NELL1: variants seen among roughly 807,000 people sequenced by gnomAD.
NELL1 encodes protein kinase C-binding protein NELL1.
In NELL1, 76 loss-of-function variants were observed where a neutral mutation model predicts 107.4. The observed-to-expected ratio is 0.71, with a 90% CI of 0.59 to 0.86. NELL1 has a LOEUF of 0.86. NELL1 is among the 40% of genes least tolerant of loss of function. NELL1 has a pLI of 0.00. For missense variants in NELL1, 1,024 were observed against 1,005.5 expected (o/e 1.02, Z -0.25); for synonymous variants, 353 against 341.2 (o/e 1.03, Z -0.38).
chr11:21,059,271 T>TG (rs529499857), intron 12 of NELL1, among the ~76,000 whole-genome samples: 221 of 152,004 alleles, frequency 1.5e-3, no homozygotes, highest in Non-Finnish European at 2.7e-3. Flanking sequence ...TTTTGTTTTT[T>TG]TTTTTTTCAA....
At position 20,722,225 on chromosome 11, in the gene NELL1, T is replaced by C. The variant is rs1387618702; in HGVS notation, c.184+44165T>C. Among the ~76,000 whole-genome samples the C allele has an allele frequency of 5.9e-5, 9 of 152,206 alleles. 1 individual carries two copies. In the South Asian group the frequency reaches 8.3e-4, roughly 14 times the overall value. ...TAGTAGAGACGTGATTTTGCTGTGT[T>C]GGCCAGGCTGGTCTTGAACTCCTGA... On this transcript the variant is annotated intron_variant, in intron 2 of 19. Transcript: ENST00000357134.
intron 15 of NELL1, among the ~76,000 whole-genome samples, chr11:21,408,628 T>C (rs914320875): frequency 6.6e-6 from 1 of 152,034 alleles, no homozygotes; most frequent in African/African-American, 2.4e-5. Flanking sequence ...GCCTGTTCAC[T>C]CTGATGGTAG....
At chr11:21,379,611 G>C (rs926266655) in intron 15 of NELL1, among the ~76,000 whole-genome samples, 1 of 152,008 alleles carries the variant, frequency 6.6e-6, no homozygotes, top group African/African-American at 2.4e-5. Context: ...AATAACAAAT[G>C]ATTTTTAAAA....
At chr11:20,699,817 A>C (rs993468457) in intron 2 of NELL1, among the ~76,000 whole-genome samples, 5 of 152,218 alleles carry the variant, frequency 3.3e-5, no homozygotes, top group Non-Finnish European at 1.5e-5. Context: ...TTGCTGGATC[A>C]AATGGTAGTT....
intron 12 of NELL1, among the ~76,000 whole-genome samples, chr11:21,042,691 C>T (rs1389350779): frequency 1.3e-5 from 2 of 151,966 alleles, no homozygotes; most frequent in African/African-American, 4.8e-5. Context: ...TGGTGAGAGC[C>T]AGTACTTTGC....
At chr11:21,510,556 C>A (rs916981190) in intron 15 of NELL1, among the ~76,000 whole-genome samples, 3 of 152,140 alleles carry the variant, frequency 2.0e-5, no homozygotes, top group Non-Finnish European at 4.4e-5. Flanking sequence ...ATGGTAATGT[C>A]TTTGCTCCTA....
At position 20,690,369 on chromosome 11, in the gene NELL1, C is replaced by G. The variant is rs562507136; in HGVS notation, c.184+12309C>G. On this transcript the variant is annotated intron_variant, in intron 2 of 19. Transcript: ENST00000357134. ...TGAAGTCCTTGCCCATGCCTATGTCCTGAATGGTGATGCCTGGGTTTTCTT... is the reference window on the plus strand; with the variant it reads ...TGAAGTCCTTGCCCATGCCTATGTCGTGAATGGTGATGCCTGGGTTTTCTT... 7.2e-5 allele frequency among the ~76,000 whole-genome samples: 11 copies of G among 152,328 alleles called. No individual in the cohort carries two copies. In the East Asian group the frequency reaches 1.9e-3, roughly 27 times the overall value.
chr11:21,343,712 GA>G (rs779862048), intron 14 of NELL1, among the ~76,000 whole-genome samples: 38 of 152,122 alleles, frequency 2.5e-4, no homozygotes, highest in Admixed American at 9.8e-4. Flanking sequence ...GTAAATTAAT[GA>G]GCTTCACTGT....
chr11:20,973,655 T>G (rs949799749), intron 12 of NELL1, among the ~76,000 whole-genome samples: 2 of 152,206 alleles, frequency 1.3e-5, no homozygotes, highest in African/African-American at 4.8e-5. Flanking sequence ...CAATTTTAAG[T>G]TGGAAAAAGC....
chr11:21,291,488 T>G (rs558665819), intron 14 of NELL1, among the ~76,000 whole-genome samples: 2 of 152,054 alleles, frequency 1.3e-5, no homozygotes, highest in African/African-American at 4.8e-5. Context: ...AGTTCTACCA[T>G]AGGGACAAAG....
At chr11:20,918,563 G>A (rs1423966129) in intron 6 of NELL1, among the ~76,000 whole-genome samples, 1 of 151,988 alleles carries the variant, frequency 6.6e-6, no homozygotes, top group African/African-American at 2.4e-5. Context: ...CATAGTGGAA[G>A]GCAAAACAGG....
At chr11:21,109,717 A>T (rs1043861935) in intron 12 of NELL1, among the ~76,000 whole-genome samples, 40 of 152,262 alleles carry the variant, frequency 2.6e-4, no homozygotes, top group African/African-American at 9.6e-4. Flanking sequence ...TCTGTGAACA[A>T]AAAGCAGCCT....
intron 5 of NELL1, among the ~76,000 whole-genome samples, chr11:20,898,311 A>G (rs1406657651): frequency 6.6e-6 from 1 of 152,128 alleles, no homozygotes; most frequent in Non-Finnish European, 1.5e-5. Context: ...TCAGTAAACT[A>G]TTGCGAGGAC....
chr11:20,895,672 A>AT (rs1484300381), intron 5 of NELL1, among the ~76,000 whole-genome samples: 3 of 151,512 alleles, frequency 2.0e-5, no homozygotes, highest in Admixed American at 6.6e-5. Context: ...TGCCCGGCTA[A>AT]TTTTTTTGTA....
chr11:21,002,846 A>G (rs1852253318), intron 12 of NELL1, among the ~76,000 whole-genome samples: 1 of 152,124 alleles, frequency 6.6e-6, no homozygotes. Context: ...ACTTGCAGTG[A>G]ATTATTTTCA....
At chr11:21,169,876 C>T in intron 13 of NELL1, 1 of 1,412,502 alleles carries the variant, frequency 7.1e-7, no homozygotes, top group Non-Finnish European at 1.0e-6. Flanking sequence ...TGCCATGTCA[C>T]CCAGCACTGG....
intron 2 of NELL1, among the ~76,000 whole-genome samples, chr11:20,750,411 T>C (rs1856106144): frequency 6.6e-6 from 1 of 152,048 alleles, no homozygotes; most frequent in Admixed American, 6.6e-5. Flanking sequence ...TGAACAGAAA[T>C]GTTAAATTTT....
intron 2 of NELL1, among the ~76,000 whole-genome samples, chr11:20,750,965 C>T (rs925991493): frequency 2.0e-5 from 3 of 152,118 alleles, no homozygotes; most frequent in African/African-American, 7.2e-5. Context: ...GATGTTCTGG[C>T]ACTATGTGTT....
At chr11:20,804,999 T>G (rs926267947) in intron 3 of NELL1, among the ~76,000 whole-genome samples, 1 of 152,246 alleles carries the variant, frequency 6.6e-6, no homozygotes, top group Admixed American at 6.5e-5. Context: ...TATATTCTCT[T>G]GCTTAATCTT....
Sources: allele counts gnomAD v4.1 joint callset (sites outside exome capture counted in the v4.1 genomes callset), GRCh38; gene constraint gnomAD v4.1.1; transcripts MANE v1.5; gene names NCBI Gene and HGNC (gene_info 2026-07-23, HGNC 2026-07-21).